ANKS1B: variants seen among roughly 807,000 people sequenced by gnomAD.
ANKS1B encodes the protein ankyrin repeat and sterile alpha motif domain-containing protein 1B.
Under a neutral mutation model 148.3 loss-of-function variants are expected in ANKS1B, and 36 were observed. The observed-to-expected ratio is 0.24, with a 90% CI of 0.19 to 0.32. The LOEUF is 0.32. Among genes scored for constraint, ANKS1B ranks in the 10% least tolerant of loss-of-function variants. The pLI is 1.00. For missense variants in ANKS1B, 1,157 were observed against 1,542.6 expected (o/e 0.75, Z 4.19); for synonymous variants, 542 against 560.8 (o/e 0.97, Z 0.47).
At chr12:99,765,388 G>A (rs73145424) in intron 8 of ANKS1B, among the ~76,000 whole-genome samples, 3 of 151,904 alleles carry the variant, frequency 2.0e-5, no homozygotes, top group Non-Finnish European at 4.4e-5. Context: ...GCTGGTTCAC[G>A]TAGCAGTTGT....
At chr12:99,396,461 A>G (rs2094246009) in intron 12 of ANKS1B, among the ~76,000 whole-genome samples, 1 of 152,182 alleles carries the variant, frequency 6.6e-6, no homozygotes, top group African/African-American at 2.4e-5. Context: ...CTATCCTAAA[A>G]TTGTTTATGT....
At chr12:99,372,902 T>A (rs907418262) in intron 12 of ANKS1B, among the ~76,000 whole-genome samples, 1 of 152,270 alleles carries the variant, frequency 6.6e-6, no homozygotes, top group South Asian at 2.1e-4. Flanking sequence ...CCATGTCATA[T>A]TAAGCTGCAC....
intron 12 of ANKS1B, among the ~76,000 whole-genome samples, chr12:99,372,290 A>C (rs1466198210): frequency 6.6e-6 from 1 of 152,016 alleles, no homozygotes; most frequent in Non-Finnish European, 1.5e-5. Context: ...CCTAAAAAGA[A>C]AAAATATGTC....
chr12:98,897,630 AG>A (rs2099766601), intron 17 of ANKS1B, among the ~76,000 whole-genome samples: 1 of 152,252 alleles, frequency 6.6e-6, no homozygotes, highest in African/African-American at 2.4e-5. Context: ...AATGTAAATT[AG>A]CACAACCCCT....
At chr12:98,968,176 T>TA (rs1210229444) in intron 17 of ANKS1B, among the ~76,000 whole-genome samples, 6 of 151,866 alleles carry the variant, frequency 4.0e-5, no homozygotes, top group South Asian at 2.1e-4. Flanking sequence ...TGATCTTTCA[T>TA]AAGAAAAACT....
chr12:98,839,238 T>C (rs1241457151), intron 17 of ANKS1B, among the ~76,000 whole-genome samples: 1 of 152,202 alleles, frequency 6.6e-6, no homozygotes, highest in Non-Finnish European at 1.5e-5. Context: ...CTTTCACATA[T>C]AACCACCATG....
chr12:99,793,890 C>T (rs751424737), intron 4 of ANKS1B, among the ~76,000 whole-genome samples: 6 of 151,856 alleles, frequency 4.0e-5, no homozygotes, highest in East Asian at 1.9e-4. Flanking sequence ...AGACAACCCA[C>T]GGAATAGGAG....
chr12:99,896,155 C>T (rs1735700437), intron 1 of ANKS1B, among the ~76,000 whole-genome samples: 1 of 151,100 alleles, frequency 6.6e-6, no homozygotes, highest in African/African-American at 2.4e-5. Context: ...TAACTACAGT[C>T]CTCATGCTAT....
At chr12:98,988,193 TCTTAAA>T (rs1309342069) in intron 17 of ANKS1B, among the ~76,000 whole-genome samples, 2 of 152,198 alleles carry the variant, frequency 1.3e-5, no homozygotes, top group African/African-American at 4.8e-5. Flanking sequence ...ACAAGGGATC[TCTTAAA>T]CTTATTCCTC....
At chr12:99,796,421 A>G (rs969376040) in intron 4 of ANKS1B, among the ~76,000 whole-genome samples, 11 of 151,938 alleles carry the variant, frequency 7.2e-5, no homozygotes, top group African/African-American at 2.4e-4. Flanking sequence ...GGGTAGGGGG[A>G]ACTATTATAT....
At chr12:99,920,115 C>A (rs1182806587) in intron 1 of ANKS1B, among the ~76,000 whole-genome samples, 1 of 152,134 alleles carries the variant, frequency 6.6e-6, no homozygotes, top group Non-Finnish European at 1.5e-5. Context: ...AAAGACTTAG[C>A]ACTACAGTAA....
intron 1 of ANKS1B, among the ~76,000 whole-genome samples, chr12:99,951,508 G>A (rs2095220951): frequency 6.6e-6 from 1 of 152,190 alleles, no homozygotes; most frequent in South Asian, 2.1e-4. Flanking sequence ...GTTGGATTTG[G>A]CTAGGGAGTT....
At chr12:99,837,111 C>A (rs1393509390) in intron 1 of ANKS1B, among the ~76,000 whole-genome samples, 2 of 152,190 alleles carry the variant, frequency 1.3e-5, no homozygotes, top group African/African-American at 4.8e-5. Context: ...GAGTCAGAAT[C>A]AAAAAGACGG....
chr12:99,648,918 G>T, intron 9 of ANKS1B: 1 of 1,310,520 alleles, frequency 7.6e-7, no homozygotes, highest in Non-Finnish European at 1.0e-6. Context: ...AAGGCCAAAT[G>T]AGCTTCCATT....
In ANKS1B at chr12:99,119,172, A is replaced by G. The variant is rs1372526456; in HGVS notation, c.2527-34149T>C. Among the ~76,000 whole-genome samples, 4 of 152,192 alleles carry G rather than the reference A, an allele frequency of 2.6e-5. No homozygotes were observed. In the South Asian group the frequency reaches 6.2e-4, roughly 24 times the overall value. ...ATGGGCCCTAAATACAAACACATGT[A>G]TCTTATAAAATAGATGGAAAGGGAG... On this transcript the variant is annotated intron_variant, in intron 15 of 26. Transcript: ENST00000683438.
Position 98,875,328 on chromosome 12 carries a change from C to T in ANKS1B, c.2779-43192G>A, listed in dbSNP as rs548834894. On this transcript the variant is annotated intron_variant, in intron 17 of 26. Transcript: ENST00000683438. ...CTGGAAAGCTGACCATGTAAATTCT[C>T]CCTGTTTAAAAACCTCCAGTGGCTC... Among the ~76,000 whole-genome samples the T allele has an allele frequency of 1.6e-4, 25 of 152,280 alleles. No individual in the cohort carries two copies. In the South Asian group the frequency reaches 5.2e-3, roughly 32 times the overall value.
intron 14 of ANKS1B, among the ~76,000 whole-genome samples, chr12:99,190,016 G>A (rs376124979): frequency 3.9e-5 from 6 of 152,090 alleles, no homozygotes; most frequent in East Asian, 3.9e-4. Context: ...ATCAATGTGC[G>A]AAAATCACAA....
intron 17 of ANKS1B, among the ~76,000 whole-genome samples, chr12:98,842,069 T>C (rs1035561164): frequency 3.3e-5 from 5 of 152,172 alleles, no homozygotes; most frequent in African/African-American, 1.2e-4. Flanking sequence ...TGACTCTAGC[T>C]AGCAACTCCT....
chr12:99,371,037 G>A (rs571102198), intron 12 of ANKS1B, among the ~76,000 whole-genome samples: 1 of 150,656 alleles, frequency 6.6e-6, no homozygotes, highest in South Asian at 2.1e-4. Context: ...TTTTTTTCTT[G>A]CTAGGCTCCC....
Sources: gnomAD v4.1 joint callset for allele counts (sites outside exome capture counted in the v4.1 genomes callset) on GRCh38, gnomAD v4.1.1 for gene constraint, MANE v1.5 for transcripts, NCBI Gene and HGNC (gene_info 2026-07-23, HGNC 2026-07-21) for gene names.